The following BCKDHB variants were observed in gnomAD, a reference collection of about 807,000 sequenced individuals.
The protein encoded by BCKDHB is 2-oxoisovalerate dehydrogenase subunit beta, mitochondrial.
BCKDHB carries 41 observed loss-of-function variants against 48.5 expected under a neutral mutation model. The ratio of observed to expected loss-of-function variants is 0.85; its 90% CI spans 0.66 to 1.10. The LOEUF (loss-of-function observed/expected upper bound fraction) is 1.10. BCKDHB is among the 50% of genes least tolerant of loss of function. BCKDHB has a pLI of 0.00. For synonymous variants in BCKDHB, 201 were observed against 174.8 expected (o/e 1.15, Z -1.18); for missense variants, 496 against 494.2 (o/e 1.00, Z -0.03).
the BCKDHB span, among the ~76,000 whole-genome samples, chr6:80,420,532 G>A: frequency 6.6e-6 from 1 of 152,190 alleles, no homozygotes; most frequent in Non-Finnish European, 1.5e-5. Flanking sequence ...AATCATGCCA[G>A]CTACTAAGAT....
At chr6:80,137,153 G>A (rs968090823) in intron 3 of BCKDHB, among the ~76,000 whole-genome samples, 7 of 152,130 alleles carry the variant, frequency 4.6e-5, no homozygotes, top group African/African-American at 1.7e-4. Flanking sequence ...AAATGGAATG[G>A]AAATATTGAT....
intron 8 of BCKDHB, among the ~76,000 whole-genome samples, chr6:80,250,428 C>T (rs1367474027): frequency 3.3e-5 from 5 of 152,128 alleles, no homozygotes; most frequent in Admixed American, 6.6e-5. Context: ...ATTCAGTCCA[C>T]GCTCAGAGGC....
At chr6:80,328,096 G>A (rs542842185) in intron 9 of BCKDHB, among the ~76,000 whole-genome samples, 2 of 152,200 alleles carry the variant, frequency 1.3e-5, no homozygotes, top group South Asian at 2.1e-4. Flanking sequence ...TCTGTTACCA[G>A]TATTGAGGGA....
chr6:80,460,369 G>A, the BCKDHB span, among the ~76,000 whole-genome samples: 1 of 152,072 alleles, frequency 6.6e-6, no homozygotes, highest in African/African-American at 2.4e-5. Context: ...AAATACTAAT[G>A]CAGAGGCACT....
chr6:80,466,643 C>G, the BCKDHB span, among the ~76,000 whole-genome samples: 1 of 152,108 alleles, frequency 6.6e-6, no homozygotes, highest in Non-Finnish European at 1.5e-5. Context: ...TTTTATTTGT[C>G]AACCATTCCC....
downstream of BCKDHB, among the ~76,000 whole-genome samples, chr6:80,350,837 AT>A (rs1160764277): frequency 1.3e-5 from 2 of 152,122 alleles, no homozygotes; most frequent in East Asian, 3.9e-4. Context: ...TTGTTTACTT[AT>A]TTATTTTTGC....
chr6:80,282,475 G>C (rs78757737), intron 9 of BCKDHB, among the ~76,000 whole-genome samples: 1 of 151,928 alleles, frequency 6.6e-6, no homozygotes, highest in Non-Finnish European at 1.5e-5. Flanking sequence ...TTGTTCGTTC[G>C]ATAGGAAAAT....
At chr6:80,405,004 G>T in the BCKDHB span, among the ~76,000 whole-genome samples, 11 of 152,188 alleles carry the variant, frequency 7.2e-5, no homozygotes, top group Admixed American at 7.2e-4. Context: ...TGAGAAGAAT[G>T]TGTACTCTTC....
chr6:80,260,229 G>GTGT lies in BCKDHB; in HGVS notation c.952-12906_952-12905insTGT, dbSNP rs70981414. 2.7e-5 allele frequency among the ~76,000 whole-genome samples: 4 copies of GTGT among 150,424 alleles called. No homozygotes were observed. In the East Asian group the frequency reaches 8.1e-4, roughly 30 times the overall value. On this transcript the variant is annotated intron_variant, in intron 8 of 9. Transcript: ENST00000320393. ...TAATGGTGGGTGTGTGTGTGTGTGT[G>GTGT]GGGTAATAAAATACAATCTTACCAT...
At chr6:80,445,230 A>G in the BCKDHB span, among the ~76,000 whole-genome samples, 1 of 151,952 alleles carries the variant, frequency 6.6e-6, no homozygotes, top group African/African-American at 2.4e-5. Flanking sequence ...AGGACAAGGA[A>G]CTCTTGTGCT....
intron 8 of BCKDHB, among the ~76,000 whole-genome samples, chr6:80,219,887 T>G (rs185104036): frequency 6.6e-6 from 1 of 152,312 alleles, no homozygotes; most frequent in African/African-American, 2.4e-5. Context: ...GATGCCACCC[T>G]GATTCTTATT....
intron 9 of BCKDHB, among the ~76,000 whole-genome samples, chr6:80,307,172 A>G (rs1338447105): frequency 6.6e-6 from 1 of 152,180 alleles, no homozygotes; most frequent in Non-Finnish European, 1.5e-5. Flanking sequence ...ATTTAATCAT[A>G]CAGACTGCAG....
At chr6:80,299,974 C>T (rs1321383105) in intron 9 of BCKDHB, among the ~76,000 whole-genome samples, 1 of 151,456 alleles carries the variant, frequency 6.6e-6, no homozygotes, top group Non-Finnish European at 1.5e-5. Context: ...CATGTAATGA[C>T]ATAGACAGAC....
At chr6:80,355,172 G>A in the BCKDHB span, among the ~76,000 whole-genome samples, 1 of 151,952 alleles carries the variant, frequency 6.6e-6, no homozygotes, top group African/African-American at 2.4e-5. Context: ...CAATTAGGTA[G>A]GCAGATCACC....
At chr6:80,154,659 CT>C (rs1411994780) in intron 3 of BCKDHB, among the ~76,000 whole-genome samples, 9 of 151,910 alleles carry the variant, frequency 5.9e-5, no homozygotes, top group Admixed American at 2.0e-4. Flanking sequence ...TTATTTTATA[CT>C]TTAAGATTTC....
intron 9 of BCKDHB, among the ~76,000 whole-genome samples, chr6:80,285,631 C>T (rs904636810): frequency 9.2e-5 from 14 of 152,124 alleles, no homozygotes; most frequent in Admixed American, 9.2e-4. Context: ...GCAGTGTCCT[C>T]CATGCCAGTC....
At chr6:80,189,275 A>G (rs551008941) in intron 6 of BCKDHB, among the ~76,000 whole-genome samples, 1 of 152,306 alleles carries the variant, frequency 6.6e-6, no homozygotes, top group African/African-American at 2.4e-5. Context: ...AGTTCAAGTG[A>G]CTTAAATGCA....
At chr6:80,190,486 A>C (rs1158584247) in intron 6 of BCKDHB, among the ~76,000 whole-genome samples, 1 of 151,942 alleles carries the variant, frequency 6.6e-6, no homozygotes, top group African/African-American at 2.4e-5. Context: ...GTTCTTTAAT[A>C]TGTCTTTGCC....
At chr6:80,191,568 T>G (rs1773895851) in intron 6 of BCKDHB, among the ~76,000 whole-genome samples, 1 of 152,198 alleles carries the variant, frequency 6.6e-6, no homozygotes, top group Non-Finnish European at 1.5e-5. Flanking sequence ...CCCTCATGTT[T>G]TAATATCTCT....
Sources: gnomAD v4.1 joint callset for allele counts (sites outside exome capture counted in the v4.1 genomes callset) on GRCh38, gnomAD v4.1.1 for gene constraint, MANE v1.5 for transcripts, NCBI Gene and HGNC (gene_info 2026-07-23, HGNC 2026-07-21) for gene names.